Variants in PPP2R5E observed in about 807,000 individuals in gnomAD.
The protein encoded by PPP2R5E is protein phosphatase 2 regulatory subunit B'epsilon.
In PPP2R5E, 4 loss-of-function variants were observed where a neutral mutation model predicts 65.3. The ratio of observed to expected loss-of-function variants is 0.06; its 90% CI spans 0.03 to 0.14. The LOEUF (loss-of-function observed/expected upper bound fraction) is 0.14. Ranked by LOEUF, PPP2R5E falls within the 10% of genes least tolerant of loss-of-function variation. The probability of loss-of-function intolerance (pLI) is 1.00; values close to 1 mark genes in which losing one functional copy is unlikely to be tolerated. For synonymous variants in PPP2R5E, 183 were observed against 187.4 expected, an observed-to-expected ratio of 0.98 and a Z score of 0.19; for missense variants, 274 against 556.1, an observed-to-expected ratio of 0.49 and a Z score of 5.10.
chr14:63,469,006 G>C (rs1021488891), intron 2 of PPP2R5E, among the ~76,000 whole-genome samples: 5 of 152,166 alleles, frequency 3.3e-5, no homozygotes, highest in African/African-American at 1.2e-4. Context: ...AAGTCTGGAA[G>C]GGATATGATA....
rs1280928245 is a variant in PPP2R5E, at chr14:63,499,789, T to C, written c.157+39740A>G. Among the ~76,000 whole-genome samples, 7 of 151,716 alleles carry C rather than the reference T, an allele frequency of 4.6e-5. No homozygotes were observed. In the East Asian group the frequency reaches 1.4e-3, roughly 29 times the overall value. The stretch of plus-strand genomic sequence containing the variant: ...GCTCTGGATAAGCCCCAAGAGACCA[T>C]CTATTCTAGTCCAGTTGTCTCATTT... On this transcript the variant is annotated intron_variant, in intron 2 of 13. Transcript: ENST00000337537.
chr14:63,448,141 C>G (rs1380093484), intron 3 of PPP2R5E, among the ~76,000 whole-genome samples: 1 of 151,432 alleles, frequency 6.6e-6, no homozygotes, highest in Non-Finnish European at 1.5e-5. Context: ...ACTAAAAATA[C>G]AAAAAATTAG....
At chr14:63,478,707 A>G (rs1480420077) in intron 2 of PPP2R5E, among the ~76,000 whole-genome samples, 1 of 152,158 alleles carries the variant, frequency 6.6e-6, no homozygotes, top group Non-Finnish European at 1.5e-5. Flanking sequence ...ATGCTCTGAG[A>G]ACCACTAATC....
At chr14:63,382,257 G>A (rs146320785) in intron 12 of PPP2R5E, 100 bp from the exon 13 acceptor site, 157 of 774,294 alleles carry the variant, frequency 2.0e-4, no homozygotes, top group Middle Eastern at 1.3e-3. Context: ...ATGATTTCTC[G>A]TACTGCACAC....
chr14:63,456,409 GC>G (rs763459295), intron 2 of PPP2R5E, among the ~76,000 whole-genome samples: 125 of 152,258 alleles, frequency 8.2e-4, no homozygotes, highest in Non-Finnish European at 1.2e-3. Flanking sequence ...CTTTATTTGT[GC>G]AAAGTGATAT....
intron 2 of PPP2R5E, among the ~76,000 whole-genome samples, chr14:63,518,382 C>T (rs1892748559): frequency 6.6e-6 from 1 of 151,980 alleles, no homozygotes; most frequent in Non-Finnish European, 1.5e-5. Context: ...GCTGGGACTA[C>T]AGGTATACAT....
intron 2 of PPP2R5E, among the ~76,000 whole-genome samples, chr14:63,473,540 T>C (rs1015691289): frequency 1.3e-5 from 2 of 152,186 alleles, no homozygotes; most frequent in Non-Finnish European, 2.9e-5. Context: ...GCTAACAGTG[T>C]ACTAAAGATA....
chr14:63,518,272 C>A (rs959305505), intron 2 of PPP2R5E, among the ~76,000 whole-genome samples: 1 of 152,128 alleles, frequency 6.6e-6, no homozygotes, highest in African/African-American at 2.4e-5. Flanking sequence ...TTATTGGTCT[C>A]ACTCTGTCAC....
At chr14:63,441,514 A>G (rs1380757256) in intron 3 of PPP2R5E, among the ~76,000 whole-genome samples, 2 of 152,250 alleles carry the variant, frequency 1.3e-5, no homozygotes, top group Non-Finnish European at 2.9e-5. Flanking sequence ...AGCATCCAGC[A>G]TAGATATTTA....
At chr14:63,423,538 C>A (rs985289144) in intron 3 of PPP2R5E, among the ~76,000 whole-genome samples, 1 of 152,084 alleles carries the variant, frequency 6.6e-6, no homozygotes, top group East Asian at 1.9e-4. Flanking sequence ...TCCTAATGAC[C>A]CAAACATAAG....
At chr14:63,410,012 C>T (rs1300785140) in intron 5 of PPP2R5E, among the ~76,000 whole-genome samples, 1 of 152,218 alleles carries the variant, frequency 6.6e-6, no homozygotes, top group African/African-American at 2.4e-5. Context: ...AGCTTCCTAA[C>T]TTTCCACTAC....
intron 2 of PPP2R5E, among the ~76,000 whole-genome samples, chr14:63,458,825 T>A (rs377220421): frequency 1.4e-4 from 21 of 152,184 alleles, no homozygotes; most frequent in East Asian, 1.3e-3. Context: ...TATATTTCCA[T>A]TCAAAAGATC....
intron 4 of PPP2R5E, among the ~76,000 whole-genome samples, chr14:63,417,021 G>GC (rs1458398121): frequency 3.3e-5 from 5 of 152,118 alleles, no homozygotes; most frequent in Non-Finnish European, 7.4e-5. Flanking sequence ...AAGATTAGTT[G>GC]CAACACAGAA....
Position 63,374,357 on chromosome 14 carries a change from AT to A in PPP2R5E, c.*1651del, listed in dbSNP as rs1170102323. 1 of 151,838 alleles carries A rather than the reference AT, an allele frequency of 6.6e-6. No individual in the cohort carries two copies. Among genetic ancestry groups the A allele is most frequent in the Non-Finnish European group, 1.5e-5 (1 of 67,952 alleles). The allele number at this position is 151,838 out of a possible 1,614,324, so 9.4% of individuals were successfully genotyped here. On this transcript the variant is annotated 3_prime_UTR_variant, in exon 14 of 14. Coordinates refer to ENST00000337537, the MANE Select transcript of PPP2R5E (RefSeq NM_006246.5). ...TCTATTAAGAGCAACAATAGTTCAT[AT>A]GTTCATGTTTGCTACTATCACAATT... is the stretch of plus-strand genomic sequence containing the variant.
intron 2 of PPP2R5E, among the ~76,000 whole-genome samples, chr14:63,535,613 A>T (rs1388470094): frequency 7.6e-6 from 1 of 131,142 alleles, no homozygotes; most frequent in Non-Finnish European, 1.5e-5. Context: ...CTGAGCATTC[A>T]AAAATGACAT....
chr14:63,496,521 C>A lies in PPP2R5E; in HGVS notation c.158-42636G>T, dbSNP rs377220308. 7.9e-5 allele frequency among the ~76,000 whole-genome samples: 12 copies of A among 151,516 alleles called. No homozygotes were observed. In the South Asian group the frequency reaches 2.5e-3, roughly 32 times the overall value. On this transcript the variant is annotated intron_variant, in intron 2 of 13. Coordinates refer to ENST00000337537, the MANE Select transcript of PPP2R5E (RefSeq NM_006246.5). ...CCAACCTCAAAGAGTTAAGAAACCTCATCCAGCTCGCCTCTTGAACCATAA... is the reference window on the plus strand; with the variant it reads ...CCAACCTCAAAGAGTTAAGAAACCTAATCCAGCTCGCCTCTTGAACCATAA...
chr14:63,417,047 A>C (rs1362411616), intron 4 of PPP2R5E, among the ~76,000 whole-genome samples: 1 of 152,220 alleles, frequency 6.6e-6, no homozygotes, highest in Non-Finnish European at 1.5e-5. Flanking sequence ...AATGATATCA[A>C]TGAACTTTTC....
At chr14:63,420,123 T>C (rs957899195) in intron 4 of PPP2R5E, among the ~76,000 whole-genome samples, 1 of 152,202 alleles carries the variant, frequency 6.6e-6, no homozygotes, top group African/African-American at 2.4e-5. Context: ...AAAAAGCTCT[T>C]GCAAATGGCA....
intron 2 of PPP2R5E, among the ~76,000 whole-genome samples, chr14:63,536,131 C>T (rs1041947022): frequency 1.3e-5 from 2 of 152,324 alleles, no homozygotes; most frequent in African/African-American, 2.4e-5. Context: ...TCCTGTTACT[C>T]TCCAATTCTC....
Sources: gnomAD v4.1 joint callset for allele counts (sites outside exome capture counted in the v4.1 genomes callset) on GRCh38, gnomAD v4.1.1 for gene constraint, MANE v1.5 for transcripts, NCBI Gene and HGNC (gene_info 2026-07-23, HGNC 2026-07-21) for gene names.